TMPRSS5: variants seen among roughly 807,000 people sequenced by gnomAD.
TMPRSS5 encodes transmembrane serine protease 5.
In TMPRSS5, 45 loss-of-function variants were observed where a neutral mutation model predicts 59.7. The observed-to-expected ratio is 0.75, with a 90% CI of 0.59 to 0.97. TMPRSS5 has a LOEUF of 0.97. Among genes scored for constraint, TMPRSS5 ranks in the 50% least tolerant of loss-of-function variants. The pLI, the probability that TMPRSS5 is intolerant of heterozygous loss-of-function variation, is 0.00. For synonymous variants in TMPRSS5, 225 were observed against 232.0 expected (o/e 0.97, Z 0.27); for missense variants, 585 against 596.7 (o/e 0.98, Z 0.20).
At position 113,688,223 on chromosome 11, in the gene TMPRSS5, CA is replaced by C; in HGVS notation, c.*36del. The C allele has an allele frequency of 6.4e-7, 1 of 1,569,006 alleles. No individual in the cohort carries two copies. Among genetic ancestry groups the C allele is most frequent in the Non-Finnish European group, 8.6e-7 (1 of 1,158,104 alleles). On this transcript the variant is annotated 3_prime_UTR_variant, in exon 13 of 13. Transcript: ENST00000299882. ...GCTGGAGGCCCCAGGAAGCATGAGG[CA>C]GTGGTGTGCAGTGAGACTGGAGGAA...
chr11:113,690,176 G>GGCCCCCCCCCCCCCCCCCCCCCCC, intron 11 of TMPRSS5, 55 bp downstream of exon 11: 6 of 388,222 alleles, frequency 1.5e-5, no homozygotes, highest in Non-Finnish European at 1.7e-5. Context: ...CAGGCCCCCT[G>GGCCCCCCCCCCCCCCCCCCCCCCC]CCCTCCCACC....
Position 113,696,916 on chromosome 11 carries a change from C to T in TMPRSS5, c.520G>A (p.Glu174Lys). Residue 174 changes from glutamate to lysine, a missense_variant, in exon 6 of 13, where the codon GAG becomes AAG. Physicochemically the swap from Glu to Lys is moderately conservative, Grantham distance 56. Transcript: ENST00000299882. The stretch of plus-strand genomic sequence containing the variant: ...AGTCTAGGAGAGAGCTGAGCAAACT[C>T]CTGGGAACTGTTGAGTTTGATGTCA... ...LTDIKLNSSQEFAQLSPRLGG... is the reference protein window; with the variant it reads ...LTDIKLNSSQKFAQLSPRLGG... 6.3e-7 allele frequency: 1 copy of T among 1,581,204 alleles called. No individual in the cohort carries two copies. Among genetic ancestry groups the T allele is most frequent in the Middle Eastern group, 1.7e-4 (1 of 6,028 alleles).
chr11:113,696,137 C>G (rs534588324), intron 6 of TMPRSS5, among the ~76,000 whole-genome samples: 2 of 152,166 alleles, frequency 1.3e-5, no homozygotes, highest in African/African-American at 2.4e-5. Context: ...CCTGTCAGAA[C>G]CTTCCCAACT....
intron 6 of TMPRSS5, 85 bp downstream of exon 6, chr11:113,696,773 C>T (rs1035811067): frequency 1.4e-5 from 12 of 878,824 alleles, no homozygotes; most frequent in African/African-American, 3.3e-5. Flanking sequence ...TCCTCCCCAC[C>T]GGCATCCCAA....
chr11:113,693,025 T>C, intron 9 of TMPRSS5, 46 bp downstream of exon 9: 1 of 1,033,600 alleles, frequency 9.7e-7, no homozygotes. Flanking sequence ...CCCCGCCCTC[T>C]CTCGCCATAG....
Position 113,689,853 on chromosome 11 carries a change from C to G in TMPRSS5, c.1271G>C (p.Ser424Thr), listed in dbSNP as rs778144913. ...GDTWRLVGVV[S>T]WGRGCAEPNH... is the part of the protein sequence containing the mutation. ...GGGCTCTGCGCAGCCACGCCCCCAG[C>G]TGACCACCCCCACTAGGCGCCATGT... Residue 424 changes from serine (S) to threonine (T), a missense_variant, in exon 12 of 13, where the codon AGC becomes ACC. Physicochemically the swap from Ser to Thr is moderately conservative, Grantham distance 58. Coordinates refer to ENST00000299882, the MANE Select transcript of TMPRSS5 (RefSeq NM_030770.4). The G allele has an allele frequency of 1.1e-5, 17 of 1,588,394 alleles. No homozygotes were observed. Among genetic ancestry groups the G allele is most frequent in the Non-Finnish European group, 1.5e-5 (17 of 1,167,534 alleles).
At position 113,694,582 on chromosome 11, in the gene TMPRSS5, C is replaced by T; in HGVS notation, c.681G>A (p.Gly227=). The T allele has an allele frequency of 1.3e-6, 2 of 1,556,676 alleles. No individual in the cohort carries two copies. The highest frequency in any genetic ancestry group is 1.7e-6 in the Non-Finnish European group (2 of 1,150,200). ...RIVGGQSVAP[G]RWPWQASVAL... ...CCACGCTGGCCTGCCACGGCCAGCGCCCAGGAGCCACAGACTGCCCACCAA... is the reference window on the plus strand; with the variant it reads ...CCACGCTGGCCTGCCACGGCCAGCGTCCAGGAGCCACAGACTGCCCACCAA... Residue 227 remains glycine, a synonymous_variant, in exon 8 of 13, where the codon GGG becomes GGA. Coordinates refer to ENST00000299882, the MANE Select transcript of TMPRSS5 (RefSeq NM_030770.4).
At chr11:113,691,882 C>CTTTTCTTTT (rs1335395772) in intron 9 of TMPRSS5, among the ~76,000 whole-genome samples, 1 of 70,782 alleles carries the variant, frequency 1.4e-5, no homozygotes, top group Non-Finnish European at 2.7e-5. Flanking sequence ...GTTTTCTTTT[C>CTTTTCTTTT]CTTTTTTTTC....
chr11:113,696,010 T>A (rs1017133907), intron 6 of TMPRSS5, among the ~76,000 whole-genome samples: 5 of 152,132 alleles, frequency 3.3e-5, no homozygotes, highest in Non-Finnish European at 5.9e-5. Flanking sequence ...AGCAGTCCAA[T>A]GTCTAGACCC....
Position 113,690,057 on chromosome 11 carries a change from T to C in TMPRSS5, c.1207-140A>G, listed in dbSNP as rs1162143682. On this transcript the variant is annotated intron_variant, in intron 11 of 12. Coordinates refer to ENST00000299882, the MANE Select transcript of TMPRSS5 (RefSeq NM_030770.4). Reference sequence around the variant, plus strand: ...CTGAGATATCTGCTGGCCTCACCCCTCCTTAAACCCTTAGCATGAGCTCCA... The same window carrying C: ...CTGAGATATCTGCTGGCCTCACCCCCCCTTAAACCCTTAGCATGAGCTCCA... 4.0e-6 allele frequency: 5 copies of C among 1,262,218 alleles called. No individual in the cohort carries two copies. In the African/African-American group the frequency reaches 7.6e-5, roughly 19 times the overall value. 78.2% of individuals were successfully genotyped at this position (1,262,218 alleles called of 1,614,324 possible).
rs908828946 is a variant in TMPRSS5, at chr11:113,693,293, G to A, written c.786-44C>T. On this transcript the variant is annotated intron_variant, in intron 8 of 12. Coordinates refer to ENST00000299882, the MANE Select transcript of TMPRSS5 (RefSeq NM_030770.4). The stretch of plus-strand genomic sequence containing the variant: ...CTGAGCGGGGAAGGAAGGGGCAGAA[G>A]AGGTGTTCCTAAGCAAGGTAGCAGG... 2.7e-6 allele frequency: 4 copies of A among 1,468,034 alleles called. No individual in the cohort carries two copies. In the African/African-American group the frequency reaches 5.7e-5, roughly 21 times the overall value. 90.9% of individuals were successfully genotyped at this position (1,468,034 alleles called of 1,614,324 possible).
intron 12 of TMPRSS5, among the ~76,000 whole-genome samples, chr11:113,688,678 C>T (rs1952671749): frequency 6.6e-6 from 1 of 152,192 alleles, no homozygotes; most frequent in Non-Finnish European, 1.5e-5. Flanking sequence ...TTAAGCGATT[C>T]TCCTGCCTCA....
At chr11:113,693,354 G>T (rs1050159539) in intron 8 of TMPRSS5, 105 bp from the exon 9 acceptor site, 5 of 1,307,186 alleles carry the variant, frequency 3.8e-6, no homozygotes, top group East Asian at 2.6e-5. Flanking sequence ...TTGGTGGGGG[G>T]GCCGTCAGCA....
rs1952789582 is a variant in TMPRSS5 at position 113,691,886 on chromosome 11, T to TTTC, written c.965-948_965-947insGAA. On this transcript the variant is annotated intron_variant, in intron 9 of 12. Transcript: ENST00000299882. ...CAACTAAGAAAGTTTTCTTTTCCTTTTTTTTCTTTTTTTTTTTTTGAGACG... is the reference window on the plus strand; with the variant it reads ...CAACTAAGAAAGTTTTCTTTTCCTTTTTCTTTTTCTTTTTTTTTTTTTGAGACG... 1.3e-4 allele frequency among the ~76,000 whole-genome samples: 12 copies of TTTC among 91,070 alleles called. No individual in the cohort carries two copies. The Admixed American group carries it at 1.3e-3, about 10-fold the overall frequency. 59.7% of individuals were successfully genotyped at this position (91,070 alleles called of 152,430 possible).
At chr11:113,706,194 C>T (rs1953287486) in intron 1 of TMPRSS5, 28 bp downstream of exon 1, 2 of 1,593,428 alleles carry the variant, frequency 1.3e-6, no homozygotes, top group Non-Finnish European at 8.5e-7. Flanking sequence ...GAGGCCACAG[C>T]AGGGATGGCA....
chr11:113,687,569 TA>T lies in TMPRSS5; in HGVS notation c.*690del, dbSNP rs1484615703. On this transcript the variant is annotated 3_prime_UTR_variant, in exon 13 of 13. Coordinates refer to ENST00000299882, the MANE Select transcript of TMPRSS5 (RefSeq NM_030770.4). ...ACTGGACCAAGACCATATATCACTT[TA>T]ATAACAGAACTCCTTGGACCAGTTC... 3.3e-5 allele frequency: 5 copies of T among 152,242 alleles called. No homozygotes were observed. The East Asian group carries it at 9.6e-4, about 29-fold the overall frequency. 9.4% of individuals were successfully genotyped at this position (152,242 alleles called of 1,614,324 possible). A position where few individuals can be genotyped will look rare whatever the true frequency, so the allele number is the denominator to read the frequency against.
intron 9 of TMPRSS5, among the ~76,000 whole-genome samples, chr11:113,691,892 C>CTTTCTTTTT (rs779169914): frequency 3.3e-5 from 4 of 121,114 alleles, no homozygotes; most frequent in African/African-American, 1.1e-4. Context: ...CCTTTTTTTT[C>CTTTCTTTTT]TTTTTTTTTT....
intron 1 of TMPRSS5, among the ~76,000 whole-genome samples, chr11:113,705,745 G>T (rs1953272533): frequency 6.6e-6 from 1 of 152,166 alleles, no homozygotes; most frequent in African/African-American, 2.4e-5. Context: ...GGAGAGGCAG[G>T]CCTGATCTAG....
chr11:113,688,952 G>A (rs1000091826), intron 12 of TMPRSS5, among the ~76,000 whole-genome samples: 2 of 152,216 alleles, frequency 1.3e-5, no homozygotes, highest in African/African-American at 4.8e-5. Context: ...AATTTACGTA[G>A]GTGCAGAACC....
Sources: gnomAD v4.1 joint callset for allele counts (sites outside exome capture counted in the v4.1 genomes callset) on GRCh38, gnomAD v4.1.1 for gene constraint, MANE v1.5 for transcripts, NCBI Gene and HGNC (gene_info 2026-07-23, HGNC 2026-07-21) for gene names.